Variants in NALF1 observed in about 807,000 individuals in gnomAD.
NALF1 encodes family with sequence similarity 155 member A.
A neutral mutation model predicts 48.4 loss-of-function variants in NALF1; 3 were observed. That is an observed-to-expected ratio of 0.06 (90% CI 0.03 to 0.16). NALF1 has a LOEUF of 0.16. Ranked by LOEUF, NALF1 falls within the 10% of genes least tolerant of loss-of-function variation. NALF1 has a pLI of 1.00. For synonymous variants in NALF1, 262 were observed against 245.7 expected (o/e 1.07, Z -0.62); for missense variants, 526 against 571.5 (o/e 0.92, Z 0.81).
At chr13:107,449,425 GA>G in intron 1 of NALF1, among the ~76,000 whole-genome samples, 1 of 152,070 alleles carries the variant, frequency 6.6e-6, no homozygotes, top group African/African-American at 2.4e-5. Flanking sequence ...AGAAATGGAT[GA>G]AAAAGGAAGA....
chr13:107,187,852 T>G (rs1187216912), intron 2 of NALF1, among the ~76,000 whole-genome samples: 1 of 152,214 alleles, frequency 6.6e-6, no homozygotes, highest in African/African-American at 2.4e-5. Context: ...CATATACTTT[T>G]TTATTTTTAT....
intron 1 of NALF1, among the ~76,000 whole-genome samples, chr13:107,330,296 G>A (rs928869360): frequency 6.6e-6 from 1 of 152,220 alleles, no homozygotes; most frequent in African/African-American, 2.4e-5. Flanking sequence ...GATGTCCAAA[G>A]AGAAAAGATG....
intron 1 of NALF1, among the ~76,000 whole-genome samples, chr13:107,641,509 T>C (rs1323327778): frequency 2.6e-5 from 4 of 152,214 alleles, no homozygotes; most frequent in African/African-American, 9.6e-5. Context: ...ATATCACTTG[T>C]GCCACTATTA....
chr13:107,652,872 T>C (rs1003654622), intron 1 of NALF1, among the ~76,000 whole-genome samples: 1 of 152,140 alleles, frequency 6.6e-6, no homozygotes, highest in Non-Finnish European at 1.5e-5. Flanking sequence ...CTTTTCACAA[T>C]ATGGAAACAT....
intron 1 of NALF1, among the ~76,000 whole-genome samples, chr13:107,784,697 C>A (rs1305408355): frequency 6.6e-6 from 1 of 151,872 alleles, no homozygotes; most frequent in African/African-American, 2.4e-5. Context: ...AACCACAATG[C>A]GATACCACCT....
intron 1 of NALF1, among the ~76,000 whole-genome samples, chr13:107,605,198 A>T (rs1879030759): frequency 6.6e-6 from 1 of 152,242 alleles, no homozygotes; most frequent in Non-Finnish European, 1.5e-5. Context: ...CAAAGACATC[A>T]TTTAATACAA....
intron 1 of NALF1, among the ~76,000 whole-genome samples, chr13:107,699,507 C>A (rs1881772999): frequency 1.3e-5 from 2 of 152,036 alleles, no homozygotes; most frequent in Admixed American, 1.3e-4. Flanking sequence ...TTATGTCAAG[C>A]AAGAACCCCC....
intron 1 of NALF1, among the ~76,000 whole-genome samples, chr13:107,271,620 C>T (rs116070697): frequency 0.015 from 2,246 of 151,058 alleles, 66 homozygotes; most frequent in African/African-American, 0.052. Context: ...TCATTTTAAG[C>T]AGTTAAGTTT....
intron 1 of NALF1, among the ~76,000 whole-genome samples, chr13:107,672,498 C>A (rs1881015254): frequency 6.6e-6 from 1 of 152,046 alleles, no homozygotes; most frequent in African/African-American, 2.4e-5. Context: ...CTCAGCACCA[C>A]TGTGTAGAAA....
At chr13:107,264,439 A>T (rs995283918) in intron 1 of NALF1, among the ~76,000 whole-genome samples, 6 of 152,148 alleles carry the variant, frequency 3.9e-5, no homozygotes, top group Non-Finnish European at 1.5e-5. Context: ...CTATTGTGTA[A>T]ACTTTATACA....
At chr13:107,679,855 A>G (rs1386294015) in intron 1 of NALF1, among the ~76,000 whole-genome samples, 1 of 152,232 alleles carries the variant, frequency 6.6e-6, no homozygotes, top group Non-Finnish European at 1.5e-5. Flanking sequence ...AGGTTTCTTA[A>G]AGCCTCAAAG....
chr13:107,513,471 C>A (rs9520470), intron 1 of NALF1, among the ~76,000 whole-genome samples: 15 of 151,492 alleles, frequency 9.9e-5, no homozygotes, highest in Admixed American at 7.9e-4. Context: ...GGAAACTAGC[C>A]ATTGTTTAAG....
chr13:107,573,439 C>A (rs1878047767), intron 1 of NALF1, among the ~76,000 whole-genome samples: 1 of 152,222 alleles, frequency 6.6e-6, no homozygotes, highest in African/African-American at 2.4e-5. Context: ...ATACCTACTG[C>A]ACCAAATATA....
chr13:107,220,643 A>C (rs1000764569), intron 1 of NALF1, among the ~76,000 whole-genome samples: 3 of 152,178 alleles, frequency 2.0e-5, no homozygotes, highest in Admixed American at 6.5e-5. Context: ...AAATTTCATC[A>C]TAAGACATTT....
chr13:107,670,039 T>C (rs1880953804), intron 1 of NALF1, among the ~76,000 whole-genome samples: 1 of 152,126 alleles, frequency 6.6e-6, no homozygotes. Flanking sequence ...CTTCAGAAAA[T>C]GCATCCTTTC....
At chr13:107,716,396 T>C (rs1566455155) in intron 1 of NALF1, among the ~76,000 whole-genome samples, 2 of 152,204 alleles carry the variant, frequency 1.3e-5, no homozygotes, top group Non-Finnish European at 2.9e-5. Flanking sequence ...AAAGGCTTCA[T>C]CAGTGCTTAA....
intron 1 of NALF1, among the ~76,000 whole-genome samples, chr13:107,325,855 C>CATATATAT (rs1228535140): frequency 0.01 from 551 of 53,878 alleles, 6 homozygotes; most frequent in African/African-American, 0.013. Context: ...CACACACACA[C>CATATATAT]ATATATATAT....
At chr13:107,562,845 T>G (rs368656675) in intron 1 of NALF1, among the ~76,000 whole-genome samples, 26 of 152,296 alleles carry the variant, frequency 1.7e-4, no homozygotes, top group Admixed American at 6.5e-4. Context: ...TCTTTTTCAT[T>G]TCACGGAAAA....
chr13:107,701,735 T>G (rs1033256874), intron 1 of NALF1, among the ~76,000 whole-genome samples: 1 of 152,200 alleles, frequency 6.6e-6, no homozygotes, highest in African/African-American at 2.4e-5. Flanking sequence ...ATTTTAGCTG[T>G]CTTCTCACAA....
Sources: allele counts gnomAD v4.1 joint callset (sites outside exome capture counted in the v4.1 genomes callset), GRCh38; gene constraint gnomAD v4.1.1; transcripts MANE v1.5; gene names NCBI Gene and HGNC (gene_info 2026-07-23, HGNC 2026-07-21).